CRPPA: variants seen among roughly 807,000 people sequenced by gnomAD.
CRPPA encodes the protein D-ribitol-5-phosphate cytidylyltransferase.
In CRPPA, 43 loss-of-function variants were observed where a neutral mutation model predicts 52.0. That is an observed-to-expected ratio of 0.83 (90% CI 0.65 to 1.07). The LOEUF (loss-of-function observed/expected upper bound fraction) is 1.07. CRPPA is among the 50% of genes least tolerant of loss of function. CRPPA has a pLI of 0.00. For synonymous variants in CRPPA, 250 were observed against 203.5 expected, an observed-to-expected ratio of 1.23 and a Z score of -1.94; for missense variants, 629 against 551.7, an observed-to-expected ratio of 1.14 and a Z score of -1.40.
At chr7:16,353,013 T>G (rs1786197733) in intron 3 of CRPPA, among the ~76,000 whole-genome samples, 1 of 151,516 alleles carries the variant, frequency 6.6e-6, no homozygotes, top group African/African-American at 2.4e-5. Flanking sequence ...CTAAGTAAAA[T>G]AAGACAGGGA....
intron 9 of CRPPA, among the ~76,000 whole-genome samples, chr7:16,103,877 A>G (rs973662219): frequency 2.6e-5 from 4 of 151,624 alleles, no homozygotes; most frequent in African/African-American, 9.8e-5. Context: ...TTTCTCAAGA[A>G]GCAGAAAGAC....
chr7:16,091,645 T>C lies in CRPPA; in HGVS notation c.*50A>G. 3 of 1,040,074 alleles carry C rather than the reference T, an allele frequency of 2.9e-6. No individual in the cohort carries two copies. The highest frequency in any genetic ancestry group is 4.4e-6 in the Non-Finnish European group (3 of 689,352). The allele number at this position is 1,040,074 out of a possible 1,614,324, so 64.4% of individuals were successfully genotyped here. ...ACAGCAGCGGGGGCACAAAGCACAA[T>C]TAAGATACGCAAATAGATGTTTTAG... is the stretch of plus-strand genomic sequence containing the variant. On this transcript the variant is annotated 3_prime_UTR_variant, in exon 10 of 10. Transcript: ENST00000407010.
chr7:16,197,712 C>T (rs1023773043), intron 9 of CRPPA, among the ~76,000 whole-genome samples: 1 of 149,828 alleles, frequency 6.7e-6, no homozygotes, highest in African/African-American at 2.5e-5. Flanking sequence ...AATCTCTGCA[C>T]TAGAGGCAAT....
intron 5 of CRPPA, among the ~76,000 whole-genome samples, chr7:16,284,733 T>C (rs1784388695): frequency 6.6e-6 from 1 of 152,150 alleles, no homozygotes; most frequent in African/African-American, 2.4e-5. Context: ...TCTTAGTTTA[T>C]CTACTAGGAT....
chr7:16,157,607 C>T (rs1356631018), intron 9 of CRPPA, among the ~76,000 whole-genome samples: 1 of 151,956 alleles, frequency 6.6e-6, no homozygotes, highest in South Asian at 2.1e-4. Context: ...AAAAAAGGGA[C>T]TATTATATAA....
Position 16,286,532 on chromosome 7 carries a change from C to A in CRPPA, c.836-8306G>T, listed in dbSNP as rs1044850826. Among the ~76,000 whole-genome samples the A allele has an allele frequency of 2.0e-5, 3 of 151,932 alleles. No individual in the cohort carries two copies. The South Asian group carries it at 6.2e-4, about 32-fold the overall frequency. The stretch of plus-strand genomic sequence containing the variant: ...GATTCCTACCTCTTCTCATGCTATA[C>A]AAAGCAATCAACTTATACCTTACTC... On this transcript the variant is annotated intron_variant, in intron 5 of 9. Coordinates refer to ENST00000407010, the MANE Select transcript of CRPPA (RefSeq NM_001101426.4).
chr7:16,096,724 G>A (rs1430833461), intron 9 of CRPPA, among the ~76,000 whole-genome samples: 1 of 152,070 alleles, frequency 6.6e-6, no homozygotes, highest in Admixed American at 6.6e-5. Context: ...CAGGCTTATA[G>A]GTGTGAACTA....
At chr7:16,120,590 T>C (rs1408897901) in intron 9 of CRPPA, among the ~76,000 whole-genome samples, 1 of 152,150 alleles carries the variant, frequency 6.6e-6, no homozygotes, top group Non-Finnish European at 1.5e-5. Flanking sequence ...TCCAAATCTT[T>C]ATTTCCACCC....
At chr7:16,300,547 C>T (rs978003406) in intron 5 of CRPPA, among the ~76,000 whole-genome samples, 7 of 152,066 alleles carry the variant, frequency 4.6e-5, no homozygotes, top group African/African-American at 1.4e-4. Context: ...ATGTTTTTAT[C>T]CCTAGGGAAC....
intron 9 of CRPPA, among the ~76,000 whole-genome samples, chr7:16,213,681 G>A (rs568453268): frequency 3.9e-5 from 6 of 151,906 alleles, no homozygotes; most frequent in African/African-American, 1.4e-4. Context: ...CCCAGGAGGT[G>A]GAGGTTGCAA....
intron 3 of CRPPA, among the ~76,000 whole-genome samples, chr7:16,342,852 T>TATATAG (rs1785910424): frequency 7.6e-6 from 1 of 132,046 alleles, no homozygotes. Flanking sequence ...TAGATATACA[T>TATATAG]ATATAGATAT....
At chr7:16,102,150 C>G (rs979653536) in intron 9 of CRPPA, among the ~76,000 whole-genome samples, 2 of 152,124 alleles carry the variant, frequency 1.3e-5, no homozygotes, top group African/African-American at 2.4e-5. Flanking sequence ...AGAAATAACA[C>G]CACACGTCTA....
At chr7:16,109,983 C>T (rs1414122990) in intron 9 of CRPPA, among the ~76,000 whole-genome samples, 1 of 151,806 alleles carries the variant, frequency 6.6e-6, no homozygotes, top group Non-Finnish European at 1.5e-5. Flanking sequence ...TAAAAGACAT[C>T]CAAACAGAAA....
In CRPPA at chr7:16,091,060, T is replaced by A. The variant is rs901357381; in HGVS notation, c.*635A>T. The A allele has an allele frequency of 6.6e-6, 1 of 152,226 alleles. No individual in the cohort carries two copies. Among genetic ancestry groups the A allele is most frequent in the Non-Finnish European group, 1.5e-5 (1 of 68,030 alleles). 9.4% of individuals were successfully genotyped at this position (152,226 alleles called of 1,614,324 possible). A position where few individuals can be genotyped will look rare whatever the true frequency, so the allele number is the denominator to read the frequency against. On this transcript the variant is annotated 3_prime_UTR_variant, in exon 10 of 10. Transcript: ENST00000407010. ...AAATAATGTAAGTCATAATTATAGT[T>A]CATAAACCAAAAATAACATACAATT... is the stretch of plus-strand genomic sequence containing the variant.
rs567649361 is a variant in CRPPA, at chr7:16,214,707, G to C, written c.1251+1359C>G. On this transcript the variant is annotated intron_variant, in intron 9 of 9. Transcript: ENST00000407010. ...TTTTTGTAGAGACAAGGGTTTCACC[G>C]TGTTGGCCAGGCTGGTCTTGAACTC... Among the ~76,000 whole-genome samples, 18 of 152,038 alleles carry C rather than the reference G, an allele frequency of 1.2e-4. No individual in the cohort carries two copies. The East Asian group carries it at 3.5e-3, about 29-fold the overall frequency.
At chr7:16,131,402 A>C (rs2128372965) in intron 9 of CRPPA, among the ~76,000 whole-genome samples, 1 of 152,326 alleles carries the variant, frequency 6.6e-6, no homozygotes, top group Non-Finnish European at 1.5e-5. Flanking sequence ...CTGAGATAGA[A>C]ATTAGAAACA....
chr7:16,368,592 G>A (rs1043130681), intron 3 of CRPPA, among the ~76,000 whole-genome samples: 17 of 152,068 alleles, frequency 1.1e-4, no homozygotes, highest in Non-Finnish European at 1.8e-4. Context: ...TTACAAACAG[G>A]CATATATAGA....
chr7:16,105,959 C>A lies in CRPPA; in HGVS notation c.1252-14160G>T, dbSNP rs185220698. 8.0e-3 allele frequency among the ~76,000 whole-genome samples: 1,223 copies of A among 152,224 alleles called. 5 individuals are homozygous for A. The highest frequency in any genetic ancestry group is 0.012 in the Non-Finnish European group (826 of 68,008). On this transcript the variant is annotated intron_variant, in intron 9 of 9. Transcript: ENST00000407010. Reference sequence around the variant, plus strand: ...ATGAATGGACTACACCAGTTTGACCCAGAAAGTCAAACAGTGGCTCCAGTA... The same window carrying A: ...ATGAATGGACTACACCAGTTTGACCAAGAAAGTCAAACAGTGGCTCCAGTA...
At chr7:16,399,909 C>T (rs1272683751) in intron 2 of CRPPA, among the ~76,000 whole-genome samples, 1 of 151,974 alleles carries the variant, frequency 6.6e-6, no homozygotes, top group African/African-American at 2.4e-5. Context: ...GTGATCAACA[C>T]GTGTGTGACA....
Sources: gnomAD v4.1 joint callset for allele counts (sites outside exome capture counted in the v4.1 genomes callset) on GRCh38, gnomAD v4.1.1 for gene constraint, MANE v1.5 for transcripts, NCBI Gene and HGNC (gene_info 2026-07-23, HGNC 2026-07-21) for gene names.